The following PCBP3 variants were observed in gnomAD, a reference collection of about 807,000 sequenced individuals.
PCBP3 encodes the protein poly(rC)-binding protein 3.
PCBP3 carries 25 observed loss-of-function variants against 52.7 expected under a neutral mutation model. The ratio of observed to expected loss-of-function variants is 0.47; its 90% CI spans 0.35 to 0.66. PCBP3 has a LOEUF of 0.66. PCBP3 is among the 30% of genes least tolerant of loss of function. PCBP3 has a pLI of 0.01. For synonymous variants in PCBP3, 162 were observed against 183.0 expected, an observed-to-expected ratio of 0.89 and a Z score of 0.93; for missense variants, 391 against 490.3, an observed-to-expected ratio of 0.80 and a Z score of 1.91.
Position 45,904,834 on chromosome 21 carries a change from G to A in PCBP3, c.339+3721G>A, listed in dbSNP as rs866052536. Among the ~76,000 whole-genome samples, 22 of 152,180 alleles carry A rather than the reference G, an allele frequency of 1.4e-4. 1 individual carries two copies. Among genetic ancestry groups the A allele is most frequent in the Admixed American group, 3.3e-4 (5 of 15,278 alleles). Reference sequence around the variant, plus strand: ...CACACCATGTCACGATTGTGCTGGTGACGGATACCTGGCCTTAAAAGAACC... The same window carrying A: ...CACACCATGTCACGATTGTGCTGGTAACGGATACCTGGCCTTAAAAGAACC... On this transcript the variant is annotated intron_variant, in intron 9 of 17. Transcript: ENST00000681687. The surrounding 1 kb of genome is among the most constrained non-coding windows in gnomAD (Gnocchi z 4.8).
intron 4 of PCBP3, among the ~76,000 whole-genome samples, chr21:45,838,908 C>CA (rs1192818499): frequency 6.6e-6 from 1 of 152,160 alleles, no homozygotes; most frequent in African/African-American, 2.4e-5. Flanking sequence ...ATTCTAAAGT[C>CA]AAAATTATTG....
At chr21:45,847,101 C>T (rs1421906048) in intron 4 of PCBP3, among the ~76,000 whole-genome samples, 1 of 150,956 alleles carries the variant, frequency 6.6e-6, no homozygotes, top group Non-Finnish European at 1.5e-5. Flanking sequence ...TGTGTCTTTG[C>T]TTTTTTTTTC....
At chr21:45,738,631 C>T (rs561328659) in intron 3 of PCBP3, among the ~76,000 whole-genome samples, 4 of 152,296 alleles carry the variant, frequency 2.6e-5, no homozygotes, top group Admixed American at 2.6e-4. Flanking sequence ...AAAAATTCAC[C>T]TATGCTTAGC....
rs1281506252 is a variant in PCBP3 at position 45,805,406 on chromosome 21, G to T, written c.-125-44555G>T. ...CCCCCCTTGCCCACCTGCCCTGTGT[G>T]CTGGGCCGTGCGGAGGTGGCCATGG... On this transcript the variant is annotated intron_variant, in intron 4 of 17. Transcript: ENST00000681687. This position sits in a 1 kb window ranked among gnomAD's most constrained non-coding sequence, Gnocchi z 4.6. 6.6e-6 allele frequency among the ~76,000 whole-genome samples: 1 copy of T among 152,064 alleles called. No individual in the cohort carries two copies. Among genetic ancestry groups the T allele is most frequent in the African/African-American group, 2.4e-5 (1 of 41,420 alleles).
chr21:45,856,781 C>T (rs765816190), intron 5 of PCBP3, among the ~76,000 whole-genome samples: 4 of 152,204 alleles, frequency 2.6e-5, no homozygotes, highest in Admixed American at 2.6e-4. Context: ...GTACCCAAGG[C>T]GGTCGGGTAC....
chr21:45,647,337 G>A (rs2038679520), intron 1 of PCBP3, among the ~76,000 whole-genome samples: 2 of 152,140 alleles, frequency 1.3e-5, no homozygotes, highest in Non-Finnish European at 1.5e-5. Flanking sequence ...CTATGATCTG[G>A]GAACCCATGA....
rs373134999 is a variant in PCBP3, at chr21:45,796,028, G to T, written c.-126+40576G>T. 7.2e-5 allele frequency among the ~76,000 whole-genome samples: 11 copies of T among 152,152 alleles called. 1 individual carries two copies. In the South Asian group the frequency reaches 2.1e-3, roughly 29 times the overall value. On this transcript the variant is annotated intron_variant, in intron 4 of 17. Coordinates refer to ENST00000681687, the MANE Select transcript of PCBP3 (RefSeq NM_001384156.1). The stretch of plus-strand genomic sequence containing the variant: ...TCAATGTATGTAATGAGTCTGAAAA[G>T]ACCCGTAATTGTGAGAGTGATTGAA...
intron 2 of PCBP3, among the ~76,000 whole-genome samples, chr21:45,682,056 AAGT>A (rs1449903714): frequency 6.6e-6 from 1 of 152,156 alleles, no homozygotes; most frequent in African/African-American, 2.4e-5. Context: ...AAGCTGAAAA[AAGT>A]ACTTGAAGAA....
At chr21:45,875,382 G>A (rs906642461) in intron 5 of PCBP3, among the ~76,000 whole-genome samples, 1 of 152,226 alleles carries the variant, frequency 6.6e-6, no homozygotes, top group African/African-American at 2.4e-5. Flanking sequence ...TAAACTGTGG[G>A]GTCAGCAGGC....
intron 2 of PCBP3, among the ~76,000 whole-genome samples, chr21:45,712,239 GT>G (rs2083888334): frequency 6.6e-6 from 1 of 152,058 alleles, no homozygotes; most frequent in Non-Finnish European, 1.5e-5. Context: ...GTGGATATAA[GT>G]TTTCAATTCA....
In PCBP3 at chr21:45,802,278, T is replaced by A. The variant is rs1431666736; in HGVS notation, c.-126+46826T>A. 1.3e-5 allele frequency among the ~76,000 whole-genome samples: 2 copies of A among 152,046 alleles called. No homozygotes were observed. The highest frequency in any genetic ancestry group is 4.8e-5 in the African/African-American group (2 of 41,404). On this transcript the variant is annotated intron_variant, in intron 4 of 17. Transcript: ENST00000681687. This position sits in a 1 kb window ranked among gnomAD's most constrained non-coding sequence, Gnocchi z 5.1. Reference sequence around the variant, plus strand: ...CTGGGTGCTGGGGCTGGGGGTGAGCTAGCTGTCCGGCCCCTGCGTCAGCAC... The same window carrying A: ...CTGGGTGCTGGGGCTGGGGGTGAGCAAGCTGTCCGGCCCCTGCGTCAGCAC...
intron 6 of PCBP3, among the ~76,000 whole-genome samples, chr21:45,897,695 C>G (rs907787999): frequency 2.6e-5 from 4 of 152,208 alleles, no homozygotes; most frequent in African/African-American, 7.2e-5. Context: ...GAACCAGCCA[C>G]TGCCCCAGCA....
At chr21:45,840,016 A>C (rs1185021712) in intron 4 of PCBP3, among the ~76,000 whole-genome samples, 1 of 152,180 alleles carries the variant, frequency 6.6e-6, no homozygotes, top group Admixed American at 6.5e-5. Flanking sequence ...CAAAAGTTTA[A>C]AAATAAAAGT....
At position 45,687,749 on chromosome 21, in the gene PCBP3, A is replaced by T. The variant is rs139751261; in HGVS notation, c.-200+18797A>T. Among the ~76,000 whole-genome samples the T allele has an allele frequency of 4.3e-3, 644 of 150,084 alleles. 6 individuals carry two copies. Among genetic ancestry groups the T allele is most frequent in the African/African-American group, 0.015 (615 of 40,696 alleles). On this transcript the variant is annotated intron_variant, in intron 2 of 17. Transcript: ENST00000681687. ...CATTTCTTTTTTGTTTTTTTTTTTG[A>T]GATGGAGTCTCGCTATGTTGCCCAG...
intron 1 of PCBP3, among the ~76,000 whole-genome samples, chr21:45,647,746 G>A (rs967325004): frequency 6.6e-6 from 1 of 152,258 alleles, no homozygotes; most frequent in Admixed American, 6.5e-5. Context: ...GGAGGGGGGT[G>A]AAAGTGGAGG....
At chr21:45,690,699 G>C (rs2082410071) in intron 2 of PCBP3, among the ~76,000 whole-genome samples, 1 of 151,944 alleles carries the variant, frequency 6.6e-6, no homozygotes, top group Non-Finnish European at 1.5e-5. Context: ...TGGCTAATAA[G>C]CATATGAAAA....
chr21:45,860,126 C>T (rs1251183744), intron 5 of PCBP3, among the ~76,000 whole-genome samples: 1 of 152,076 alleles, frequency 6.6e-6, no homozygotes, highest in African/African-American at 2.4e-5. Context: ...GGCTCCAGCA[C>T]GCAGCTTCAG....
intron 5 of PCBP3, among the ~76,000 whole-genome samples, chr21:45,877,919 C>G (rs185300633): frequency 6.6e-6 from 1 of 152,252 alleles, no homozygotes; most frequent in Non-Finnish European, 1.5e-5. Context: ...CCCTTGGGAC[C>G]GGGAGGCGGC....
At chr21:45,851,223 A>C (rs1197491105) in intron 5 of PCBP3, among the ~76,000 whole-genome samples, 5 of 152,340 alleles carry the variant, frequency 3.3e-5, no homozygotes, top group African/African-American at 1.2e-4. Flanking sequence ...TTGGTTAAAG[A>C]AAGTGGAAGG....
Sources: allele counts gnomAD v4.1 joint callset (sites outside exome capture counted in the v4.1 genomes callset), GRCh38; gene constraint gnomAD v4.1.1; non-coding constraint Gnocchi (gnomAD v3.1); transcripts MANE v1.5; gene names NCBI Gene and HGNC (gene_info 2026-07-23, HGNC 2026-07-21).